The following APOBEC3F variants were observed in gnomAD, a reference collection of about 807,000 sequenced individuals.
APOBEC3F encodes apolipoprotein B mRNA editing enzyme catalytic subunit 3F.
A neutral mutation model predicts 45.8 loss-of-function variants in APOBEC3F; 34 were observed. The ratio of observed to expected loss-of-function variants is 0.74; its 90% confidence interval spans 0.57 to 0.99. APOBEC3F has a LOEUF of 0.99. Ranked by LOEUF, APOBEC3F falls within the 50% of genes least tolerant of loss-of-function variation. The pLI, the probability that APOBEC3F is intolerant of heterozygous loss-of-function variation, is 0.00. For synonymous variants in APOBEC3F, 192 were observed against 174.4 expected (o/e 1.10, Z -0.80); for missense variants, 459 against 474.1 (o/e 0.97, Z 0.30).
chr22:39,049,695 ATTTCT>A, intron 5 of APOBEC3F, 114 bp downstream of exon 5: 1 of 1,121,218 alleles, frequency 8.9e-7, no homozygotes, highest in Non-Finnish European at 1.2e-6. Context: ...TTCCTCTTAC[ATTTCT>A]TTTTTTTTTT....
intron 1 of APOBEC3F, among the ~76,000 whole-genome samples, chr22:39,042,165 G>A (rs560974966): frequency 3.3e-5 from 5 of 152,334 alleles, no homozygotes; most frequent in Admixed American, 2.6e-4. Flanking sequence ...TCACATCCGC[G>A]CAGCACTTAG....
chr22:39,044,016 A>T, intron 2 of APOBEC3F: 2 of 1,477,844 alleles, frequency 1.4e-6, no homozygotes, highest in Non-Finnish European at 1.8e-6. Context: ...CAAGAGTGAA[A>T]CTACGTCTCA....
Position 39,054,014 on chromosome 22 carries a change from T to C in APOBEC3F, c.*1319T>C, listed in dbSNP as rs1414840500. 1.3e-5 allele frequency: 2 copies of C among 152,060 alleles called. No individual in the cohort carries two copies. Among genetic ancestry groups the C allele is most frequent in the Non-Finnish European group, 2.9e-5 (2 of 68,024 alleles). 9.4% of individuals were successfully genotyped at this position (152,060 alleles called of 1,614,324 possible). On this transcript the variant is annotated 3_prime_UTR_variant, in exon 7 of 7. Transcript: ENST00000308521. ...TAGGACAAGAGAACATTTCTCCTTT[T>C]CTTTTTTTTTTTCTTTGAAATGGAG...
At chr22:39,046,155 A>G (rs1359638623) in intron 4 of APOBEC3F, among the ~76,000 whole-genome samples, 4 of 151,792 alleles carry the variant, frequency 2.6e-5, no homozygotes, top group Admixed American at 6.6e-5. Context: ...TCCTCTGTGC[A>G]CCTGCACCCC....
chr22:39,046,274 C>G (rs1435602958), intron 4 of APOBEC3F, among the ~76,000 whole-genome samples: 2 of 152,212 alleles, frequency 1.3e-5, no homozygotes, highest in African/African-American at 4.8e-5. Context: ...TTTAGTGGAC[C>G]TGTCTCCAAA....
At chr22:39,041,905 A>G (rs542213529) in intron 1 of APOBEC3F, among the ~76,000 whole-genome samples, 15 of 152,204 alleles carry the variant, frequency 9.9e-5, no homozygotes, top group Admixed American at 2.6e-4. Flanking sequence ...AATATATGGG[A>G]AAAAAACTCA....
chr22:39,049,319 A>AG, intron 4 of APOBEC3F, 106 bp from the exon 5 acceptor site: 7 of 1,318,894 alleles, frequency 5.3e-6, no homozygotes, highest in Non-Finnish European at 7.3e-6. Context: ...TGCCTGGGAA[A>AG]GCAGCAGACA....
At chr22:39,043,306 T>G (rs774604955) in intron 2 of APOBEC3F, among the ~76,000 whole-genome samples, 26 of 150,816 alleles carry the variant, frequency 1.7e-4, no homozygotes, top group Non-Finnish European at 3.3e-4. Flanking sequence ...GTGTTTTTTT[T>G]TTTTTTTTTT....
intron 4 of APOBEC3F, among the ~76,000 whole-genome samples, chr22:39,046,845 CAA>C (rs931876595): frequency 2.6e-5 from 4 of 151,846 alleles, no homozygotes; most frequent in Non-Finnish European, 5.9e-5. Context: ...TAAGATTTTG[CAA>C]AAGAGTAGGC....
At position 39,040,969 on chromosome 22, in the gene APOBEC3F, T is replaced by G. The variant is rs558573375; in HGVS notation, c.9T>G (p.Pro3=). The G allele has an allele frequency of 1.9e-6, 3 of 1,583,936 alleles. No homozygotes were observed. Among genetic ancestry groups the G allele is most frequent in the East Asian group, 2.3e-5 (1 of 43,756 alleles). The change falls in exon 1 of 7, where the codon CCT becomes CCG. Residue 3 remains proline, a synonymous_variant. Transcript: ENST00000308521. MK[P]HFRNTVERMY... Reference sequence around the variant, plus strand: ...GGACTAGCCGGCCAAGGATGAAGCCTCACTTCAGGTACCGCTGCCCGCTCT... The same window carrying G: ...GGACTAGCCGGCCAAGGATGAAGCCGCACTTCAGGTACCGCTGCCCGCTCT...
At chr22:39,044,199 G>T in intron 2 of APOBEC3F, 1 of 1,610,622 alleles carries the variant, frequency 6.2e-7, no homozygotes, top group Non-Finnish European at 8.5e-7. Flanking sequence ...CCGCAGGCAG[G>T]GAACAAGGCA....
intron 4 of APOBEC3F, among the ~76,000 whole-genome samples, chr22:39,047,397 G>A (rs750268143): frequency 2.0e-4 from 31 of 152,216 alleles, no homozygotes; most frequent in African/African-American, 5.1e-4. Context: ...CACTCACAGC[G>A]CAGGTGTCTC....
At position 39,040,919 on chromosome 22, in the gene APOBEC3F, G is replaced by T. The variant is rs2146337411; in HGVS notation, c.-42G>T. On this transcript the variant is annotated 5_prime_UTR_variant, in exon 1 of 7. Coordinates refer to ENST00000308521, the MANE Select transcript of APOBEC3F (RefSeq NM_145298.6). ...GCCTGGAGCAGAAAGTGAAACCCTGGTGCTCCAGACAAAGATCTTAGTCGG... is the reference window on the plus strand; with the variant it reads ...GCCTGGAGCAGAAAGTGAAACCCTGTTGCTCCAGACAAAGATCTTAGTCGG... The T allele has an allele frequency of 1.3e-6, 2 of 1,560,028 alleles. No homozygotes were observed. The highest frequency in any genetic ancestry group is 1.7e-6 in the Non-Finnish European group (2 of 1,151,276).
At chr22:39,048,663 C>T (rs573915809) in intron 4 of APOBEC3F, among the ~76,000 whole-genome samples, 150 of 152,170 alleles carry the variant, frequency 9.9e-4, no homozygotes, top group African/African-American at 3.0e-3. Flanking sequence ...AAAAATTAGC[C>T]GGGTGTTGTG....
chr22:39,044,900 C>G, intron 2 of APOBEC3F, 41 bp from the exon 3 acceptor site: 2 of 1,578,452 alleles, frequency 1.3e-6, no homozygotes, highest in Non-Finnish European at 1.7e-6. Flanking sequence ...TCCTCCTGCT[C>G]CCCCTCTCAG....
chr22:39,050,536 C>T (rs975682910), intron 5 of APOBEC3F, among the ~76,000 whole-genome samples: 4 of 146,716 alleles, frequency 2.7e-5, no homozygotes, highest in South Asian at 2.2e-4. Context: ...AGTCCCCACA[C>T]GCTAAAAAGG....
chr22:39,044,025 CAAAACA>C (rs1927068086), intron 2 of APOBEC3F: 4 of 1,489,172 alleles, frequency 2.7e-6, no homozygotes, highest in Admixed American at 2.3e-5. Flanking sequence ...AACTACGTCT[CAAAACA>C]AAAACAAAAA....
Position 39,054,381 on chromosome 22 carries a change from G to A in APOBEC3F, c.*1686G>A, listed in dbSNP as rs548663583. Among the ~76,000 whole-genome samples the A allele has an allele frequency of 1.3e-5, 2 of 152,262 alleles. No homozygotes were observed. Among genetic ancestry groups the A allele is most frequent in the East Asian group, 3.9e-4 (2 of 5,186 alleles). On this transcript the variant is annotated 3_prime_UTR_variant, in exon 7 of 7. Coordinates refer to ENST00000308521, the MANE Select transcript of APOBEC3F (RefSeq NM_145298.6). ...CAAGTAGCTGGGATTACATGCGCGTGCCACCACGCCTAGCTAATTTTTGTG... is the reference window on the plus strand; with the variant it reads ...CAAGTAGCTGGGATTACATGCGCGTACCACCACGCCTAGCTAATTTTTGTG...
At chr22:39,045,625 C>A in intron 4 of APOBEC3F, 83 bp downstream of exon 4, 1 of 1,598,844 alleles carries the variant, frequency 6.3e-7, no homozygotes, top group Non-Finnish European at 8.5e-7. Flanking sequence ...CCAGGCCCTC[C>A]TGCCCTCCGT....
Sources: gnomAD v4.1 joint callset for allele counts (sites outside exome capture counted in the v4.1 genomes callset) on GRCh38, gnomAD v4.1.1 for gene constraint, MANE v1.5 for transcripts, NCBI Gene and HGNC (gene_info 2026-07-23, HGNC 2026-07-21) for gene names.